The following GABRA2 variants were observed in gnomAD, a reference collection of about 807,000 sequenced individuals.
GABRA2 encodes gamma-aminobutyric acid type A receptor subunit alpha2, also known as gamma-aminobutyric acid receptor subunit alpha-2.
In GABRA2, 16 loss-of-function variants were observed where a neutral mutation model predicts 48.7. The observed-to-expected ratio is 0.33, with a 90% CI of 0.22 to 0.50. GABRA2 has a LOEUF of 0.50. Among genes scored for constraint, GABRA2 ranks in the 20% least tolerant of loss-of-function variants. The pLI, the probability that GABRA2 is intolerant of heterozygous loss-of-function variation, is 0.98. For synonymous variants in GABRA2, 185 were observed against 184.5 expected, an observed-to-expected ratio of 1.00 and a Z score of -0.02; for missense variants, 275 against 535.6, an observed-to-expected ratio of 0.51 and a Z score of 4.80.
intron 9 of GABRA2, chr4:46,256,128 T>G (rs971953397): frequency 2.0e-5 from 9 of 452,784 alleles, no homozygotes; most frequent in Non-Finnish European, 2.4e-5. Context: ...AACAACGTGC[T>G]CATTGGTCAG....
Position 46,304,652 on chromosome 4 carries a change from G to A in GABRA2, c.703+916C>T, listed in dbSNP as rs564501150. ...CTAAAGAAATTATCACTTGTTGGCC[G>A]GGCGCACTGGCTCACGTCTGTAATC... On this transcript the variant is annotated intron_variant, in intron 7 of 9. Transcript: ENST00000381620. Among the ~76,000 whole-genome samples the A allele has an allele frequency of 6.8e-4, 104 of 151,950 alleles. No individual in the cohort carries two copies. In the Middle Eastern group the frequency reaches 0.01, roughly 15 times the overall value.
At chr4:46,325,881 C>A (rs906262121) in intron 4 of GABRA2, among the ~76,000 whole-genome samples, 4 of 151,878 alleles carry the variant, frequency 2.6e-5, no homozygotes, top group Non-Finnish European at 5.9e-5. Flanking sequence ...GATTATCTAG[C>A]TATAAGTGCG....
Position 46,312,710 on chromosome 4 carries a change from T to C in GABRA2, c.262A>G (p.Thr88Ala). ...TTTTGTCGAAAGAAAACATCAATTG[T>C]ATATTCCTGAAATAAAAAATAGAAT... Reference protein sequence around the residue: ...GPVSDTDMEYTIDVFFRQKWK... With the variant: ...GPVSDTDMEYAIDVFFRQKWK... Residue 88 changes from threonine to alanine, a missense_variant, in exon 5 of 10, where the codon ACA becomes GCA. Transcript: ENST00000381620. 1 of 1,459,778 alleles carries C rather than the reference T, an allele frequency of 6.9e-7. No homozygotes were observed. The highest frequency in any genetic ancestry group is 9.2e-7 in the Non-Finnish European group (1 of 1,082,462). 90.4% of individuals were successfully genotyped at this position (1,459,778 alleles called of 1,614,324 possible).
At chr4:46,334,079 T>C (rs1731809378) in intron 3 of GABRA2, among the ~76,000 whole-genome samples, 1 of 152,142 alleles carries the variant, frequency 6.6e-6, no homozygotes, top group Non-Finnish European at 1.5e-5. Flanking sequence ...AATTCTATTA[T>C]AAAAGCATTA....
At chr4:46,363,031 A>G (rs1427384459) in intron 3 of GABRA2, among the ~76,000 whole-genome samples, 1 of 152,178 alleles carries the variant, frequency 6.6e-6, no homozygotes, top group East Asian at 1.9e-4. Context: ...CCCCTTGCCT[A>G]TGTCAACATC....
chr4:46,274,028 G>A (rs2109421083), intron 8 of GABRA2, among the ~76,000 whole-genome samples: 1 of 152,218 alleles, frequency 6.6e-6, no homozygotes, highest in Non-Finnish European at 1.5e-5. Context: ...GCAGAAGAAT[G>A]TAGTCTTGAT....
At chr4:46,260,929 C>T (rs1447959327) in intron 9 of GABRA2, 1 of 151,766 alleles carries the variant, frequency 6.6e-6, no homozygotes, top group Non-Finnish European at 1.5e-5. Context: ...TATATTTAAA[C>T]TGTAACATGG....
rs544645948 is a variant in GABRA2 at position 46,346,754 on chromosome 4, C to T, written c.188-14072G>A. Among the ~76,000 whole-genome samples, 10 of 151,614 alleles carry T rather than the reference C, an allele frequency of 6.6e-5. No individual in the cohort carries two copies. The South Asian group carries it at 2.1e-3, about 31-fold the overall frequency. On this transcript the variant is annotated intron_variant, in intron 3 of 9. Coordinates refer to ENST00000381620, the MANE Select transcript of GABRA2 (RefSeq NM_000807.4). ...AAGAATGCCTGTATGTGCACAATCACCACTTCTATTCAACAGTACTGGAAG... is the reference window on the plus strand; with the variant it reads ...AAGAATGCCTGTATGTGCACAATCATCACTTCTATTCAACAGTACTGGAAG...
At chr4:46,305,481 G>T (rs1726522279) in intron 7 of GABRA2, 87 bp downstream of exon 7, 8 of 1,237,078 alleles carry the variant, frequency 6.5e-6, no homozygotes, top group Non-Finnish European at 7.9e-6. Context: ...AAGAGCAAAA[G>T]ATTTTAAGCA....
chr4:46,275,594 A>C (rs1056766791), intron 8 of GABRA2, among the ~76,000 whole-genome samples: 1 of 152,170 alleles, frequency 6.6e-6, no homozygotes, highest in East Asian at 1.9e-4. Flanking sequence ...ATTCATAATA[A>C]TGAAAAGCAG....
chr4:46,363,157 G>A (rs1172188499), intron 3 of GABRA2, among the ~76,000 whole-genome samples: 1 of 152,044 alleles, frequency 6.6e-6, no homozygotes, highest in African/African-American at 2.4e-5. Context: ...GCATACATGA[G>A]ACATGGATAA....
At chr4:46,305,042 A>G (rs1170091535) in intron 7 of GABRA2, among the ~76,000 whole-genome samples, 3 of 151,938 alleles carry the variant, frequency 2.0e-5, no homozygotes, top group Non-Finnish European at 4.4e-5. Flanking sequence ...TCAAACTTCA[A>G]TGCAACTATT....
intron 3 of GABRA2, among the ~76,000 whole-genome samples, chr4:46,356,286 C>T (rs775738572): frequency 1.3e-5 from 2 of 152,042 alleles, no homozygotes; most frequent in Non-Finnish European, 2.9e-5. Flanking sequence ...TCTAGCCTCC[C>T]TCTATGGATT....
chr4:46,273,380 CTG>C (rs35001945), intron 8 of GABRA2, among the ~76,000 whole-genome samples: 2,297 of 144,574 alleles, frequency 0.016, 77 homozygotes, highest in African/African-American at 0.055. Context: ...CTCTCTCCCT[CTG>C]TGTGTGTGTG....
chr4:46,361,465 C>A, intron 3 of GABRA2, among the ~76,000 whole-genome samples: 1 of 152,204 alleles, frequency 6.6e-6, no homozygotes, highest in African/African-American at 2.4e-5. Context: ...GAACCTCCGC[C>A]TGGATTTCAA....
intron 9 of GABRA2, chr4:46,260,713 T>C (rs1258774196): frequency 1.3e-5 from 2 of 151,950 alleles, no homozygotes; most frequent in African/African-American, 2.4e-5. Flanking sequence ...TAAATCAATA[T>C]TAAATTGTAA....
In GABRA2 at chr4:46,300,482, T is replaced by C. The variant is rs185632660; in HGVS notation, c.856+2978A>G. On this transcript the variant is annotated intron_variant, in intron 8 of 9. Coordinates refer to ENST00000381620, the MANE Select transcript of GABRA2 (RefSeq NM_000807.4). ...CTCATATTCACCCACCTAATTTTTC[T>C]TGGAGACAAGTTCTAGACTTATAAG... Among the ~76,000 whole-genome samples, 148 of 152,126 alleles carry C rather than the reference T, an allele frequency of 9.7e-4. No homozygotes were observed. The East Asian group carries it at 0.013, about 14-fold the overall frequency.
chr4:46,379,561 G>A (rs887724202), intron 3 of GABRA2, among the ~76,000 whole-genome samples: 1 of 152,200 alleles, frequency 6.6e-6, no homozygotes, highest in Non-Finnish European at 1.5e-5. Flanking sequence ...AGGGAGCCTA[G>A]TGGGTGGATC....
At chr4:46,338,143 C>T (rs1732579939) in intron 3 of GABRA2, among the ~76,000 whole-genome samples, 1 of 151,786 alleles carries the variant, frequency 6.6e-6, no homozygotes, top group South Asian at 2.1e-4. Context: ...GGTAATAGTA[C>T]ATGTAGAGTT....
Sources: allele counts gnomAD v4.1 joint callset (sites outside exome capture counted in the v4.1 genomes callset), GRCh38; gene constraint gnomAD v4.1.1; transcripts MANE v1.5; gene names NCBI Gene and HGNC (gene_info 2026-07-23, HGNC 2026-07-21).